Variants in FHOD3 observed in about 807,000 individuals in gnomAD.
The protein encoded by FHOD3 is formin homology 2 domain containing 3.
A neutral mutation model predicts 173.0 loss-of-function variants in FHOD3; 90 were observed. That is an observed-to-expected ratio of 0.52 (90% confidence interval 0.44 to 0.62). The LOEUF is 0.62. Ranked by LOEUF, FHOD3 falls within the 20% of genes least tolerant of loss-of-function variation. The probability of loss-of-function intolerance (pLI) is 0.00; values close to 1 mark genes in which losing one functional copy is unlikely to be tolerated. For missense variants in FHOD3, 1,945 were observed against 2,034.7 expected, an observed-to-expected ratio of 0.96 and a Z score of 0.85; for synonymous variants, 828 against 823.0, an observed-to-expected ratio of 1.01 and a Z score of -0.10.
At chr18:36,742,549 A>C (rs556949752) in intron 21 of FHOD3, among the ~76,000 whole-genome samples, 188 bp from the exon 22 acceptor site, 1 of 152,248 alleles carries the variant, frequency 6.6e-6, no homozygotes, top group East Asian at 1.9e-4. Context: ...TTTGGTCTCC[A>C]CTGCAGGGTC....
intron 2 of FHOD3, among the ~76,000 whole-genome samples, chr18:36,370,745 G>A (rs1389045070): frequency 1.3e-5 from 2 of 152,120 alleles, no homozygotes; most frequent in African/African-American, 2.4e-5. Context: ...CTGGTAATGC[G>A]AATTACAGAA....
intron 28 of FHOD3, among the ~76,000 whole-genome samples, chr18:36,773,132 G>A (rs575751053): frequency 2.6e-5 from 4 of 152,312 alleles, no homozygotes; most frequent in South Asian, 2.1e-4. Flanking sequence ...TGGAAGCCTC[G>A]GGGTTAGAGA....
At chr18:36,692,413 T>C (rs1173573121) in intron 16 of FHOD3, among the ~76,000 whole-genome samples, 1 of 152,050 alleles carries the variant, frequency 6.6e-6, no homozygotes, top group Non-Finnish European at 1.5e-5. Context: ...TAATGGTGAG[T>C]AAAATTAGCA....
intron 9 of FHOD3, among the ~76,000 whole-genome samples, chr18:36,619,346 A>ATTTTTCTTCCACAAC (rs2148714769): frequency 6.6e-6 from 1 of 152,264 alleles, no homozygotes; most frequent in South Asian, 2.1e-4. Flanking sequence ...ACCAGCCCCC[A>ATTTTTCTTCCACAAC]AATGAACCCT....
rs149496418 is a variant in FHOD3, at chr18:36,688,396, G to T, written c.2021+1218G>T. 6.1e-4 allele frequency among the ~76,000 whole-genome samples: 93 copies of T among 152,290 alleles called. No homozygotes were observed. The Middle Eastern group carries it at 0.014, about 22-fold the overall frequency. On this transcript the variant is annotated intron_variant, in intron 16 of 28. Coordinates refer to ENST00000590592, the MANE Select transcript of FHOD3 (RefSeq NM_001281740.3). ...TCTGAGGCAGGGAAGAGTGGAGACTGCCTGTCTTCAATTTAAGAATTAGAT... is the reference window on the plus strand; with the variant it reads ...TCTGAGGCAGGGAAGAGTGGAGACTTCCTGTCTTCAATTTAAGAATTAGAT...
chr18:36,612,223 A>G, intron 9 of FHOD3, 128 bp downstream of exon 9: 1 of 997,864 alleles, frequency 1.0e-6, no homozygotes, highest in Non-Finnish European at 1.4e-6. Flanking sequence ...TCAGCATCGT[A>G]GGCTTCACCC....
At chr18:36,699,666 T>A (rs961783608) in intron 17 of FHOD3, among the ~76,000 whole-genome samples, 2 of 152,204 alleles carry the variant, frequency 1.3e-5, no homozygotes, top group African/African-American at 2.4e-5. Context: ...CAGCCCTGCT[T>A]TCCCCCATCC....
chr18:36,370,032 G>A (rs2047104440), intron 2 of FHOD3, among the ~76,000 whole-genome samples: 1 of 152,160 alleles, frequency 6.6e-6, no homozygotes, highest in Non-Finnish European at 1.5e-5. Context: ...TACATCAGAG[G>A]TGGGTGGAAG....
At chr18:36,543,756 C>T (rs2057313187) in intron 5 of FHOD3, among the ~76,000 whole-genome samples, 1 of 152,210 alleles carries the variant, frequency 6.6e-6, no homozygotes, top group Non-Finnish European at 1.5e-5. Flanking sequence ...AAAACTTGTT[C>T]TCTTTACTCT....
intron 14 of FHOD3, among the ~76,000 whole-genome samples, chr18:36,673,120 T>A (rs1248279262): frequency 6.6e-6 from 1 of 152,208 alleles, no homozygotes; most frequent in Admixed American, 6.5e-5. Context: ...TTTGATCATC[T>A]GTCTGTGTTG....
At chr18:36,543,253 T>A (rs940627285) in intron 5 of FHOD3, among the ~76,000 whole-genome samples, 5 of 151,926 alleles carry the variant, frequency 3.3e-5, no homozygotes, top group Admixed American at 3.3e-4. Context: ...AGTGTGTATA[T>A]ATACATATTA....
At chr18:36,655,843 A>G (rs994110876) in intron 13 of FHOD3, among the ~76,000 whole-genome samples, 2 of 152,234 alleles carry the variant, frequency 1.3e-5, no homozygotes, top group African/African-American at 4.8e-5. Flanking sequence ...TTAGACTATG[A>G]GGCATTTGAA....
chr18:36,760,806 CGTCTT>C (rs776162900), intron 27 of FHOD3, 24 bp downstream of exon 27: 1 of 1,588,796 alleles, frequency 6.3e-7, no homozygotes, highest in Non-Finnish European at 8.6e-7. Flanking sequence ...GCGCGGGGCT[CGTCTT>C]GTCTTCTCAG....
chr18:36,550,930 T>A (rs2057625954), intron 5 of FHOD3, among the ~76,000 whole-genome samples: 1 of 152,190 alleles, frequency 6.6e-6, no homozygotes, highest in Non-Finnish European at 1.5e-5. Context: ...TTTATTGCAC[T>A]GGCTATAATG....
At chr18:36,320,212 A>G (rs2044325014) in intron 1 of FHOD3, among the ~76,000 whole-genome samples, 1 of 152,248 alleles carries the variant, frequency 6.6e-6, no homozygotes, top group South Asian at 2.1e-4. Context: ...TTTGGAAAAG[A>G]TCAGCAAAAT....
At chr18:36,632,331 A>G (rs1453388862) in intron 10 of FHOD3, among the ~76,000 whole-genome samples, 1 of 152,210 alleles carries the variant, frequency 6.6e-6, no homozygotes, top group Non-Finnish European at 1.5e-5. Context: ...TAATTGCTTC[A>G]TTAGCTATTA....
chr18:36,541,249 C>CAAAAAAAAAAAAAAAAAAAA (rs770104487), intron 5 of FHOD3, among the ~76,000 whole-genome samples: 6 of 40,274 alleles, frequency 1.5e-4, no homozygotes, highest in Non-Finnish European at 2.1e-4. Flanking sequence ...GACTCTGTCT[C>CAAAAAAAAAAAAAAAAAAAA]AAAAAAAAAA....
intron 11 of FHOD3, among the ~76,000 whole-genome samples, chr18:36,651,516 T>C (rs955421277): frequency 6.6e-6 from 1 of 152,112 alleles, no homozygotes; most frequent in African/African-American, 2.4e-5. Context: ...ACTTTGGGAA[T>C]CCAAGGCAGG....
chr18:36,646,973 A>G (rs923471109), intron 10 of FHOD3, among the ~76,000 whole-genome samples: 43 of 152,252 alleles, frequency 2.8e-4, no homozygotes, highest in African/African-American at 9.6e-4. Flanking sequence ...GCGGTGGCTC[A>G]TGCCTGTAAT....
Sources: allele counts gnomAD v4.1 joint callset (sites outside exome capture counted in the v4.1 genomes callset), GRCh38; gene constraint gnomAD v4.1.1; transcripts MANE v1.5; gene names NCBI Gene and HGNC (gene_info 2026-07-23, HGNC 2026-07-21).